Variants in UBE3A observed in about 807,000 individuals in gnomAD.
UBE3A encodes ubiquitin-protein ligase E3A.
Under a neutral mutation model 83.4 loss-of-function variants are expected in UBE3A, and 6 were observed. The ratio of observed to expected loss-of-function variants is 0.07; its 90% CI spans 0.04 to 0.14. UBE3A has a LOEUF of 0.14. Among genes scored for constraint, UBE3A ranks in the 10% least tolerant of loss-of-function variants. UBE3A has a pLI of 1.00. For synonymous variants in UBE3A, 337 were observed against 355.4 expected (o/e 0.95, Z 0.58); for missense variants, 456 against 1,036.1 (o/e 0.44, Z 7.69).
chr15:25,400,513 T>C (rs1034496023), intron 4 of UBE3A, among the ~76,000 whole-genome samples: 28 of 152,386 alleles, frequency 1.8e-4, no homozygotes, highest in African/African-American at 6.7e-4. Flanking sequence ...GTTGGTTCAA[T>C]TTGCAAATGC....
Position 25,432,233 on chromosome 15 carries a change from T to C in UBE3A, c.-165+6256A>G, listed in dbSNP as rs532790349. On this transcript the variant is annotated intron_variant, in intron 1 of 12. Coordinates refer to ENST00000648336, the MANE Select transcript of UBE3A (RefSeq NM_130839.5). ...GTGACATATGTCCATAGTGAATACATGGTGCTTTATTGTTTTCAGTATTTC... is the reference window on the plus strand; with the variant it reads ...GTGACATATGTCCATAGTGAATACACGGTGCTTTATTGTTTTCAGTATTTC... 3.9e-5 allele frequency among the ~76,000 whole-genome samples: 6 copies of C among 152,212 alleles called. No homozygotes were observed. The South Asian group carries it at 6.2e-4, about 16-fold the overall frequency.
intron 2 of UBE3A, among the ~76,000 whole-genome samples, chr15:25,410,585 G>C (rs1231064547): frequency 6.6e-6 from 1 of 152,156 alleles, no homozygotes; most frequent in Non-Finnish European, 1.5e-5. Context: ...TGTGGATTCA[G>C]AACCCAATAT....
intron 3 of UBE3A, among the ~76,000 whole-genome samples, chr15:25,406,811 C>A (rs1157614339): frequency 6.7e-6 from 1 of 150,156 alleles, no homozygotes; most frequent in Non-Finnish European, 1.5e-5. Context: ...CTCAAAATTA[C>A]CCTCACTGCA....
intron 11 of UBE3A, chr15:25,354,152 T>G (rs1029507806): frequency 1.6e-6 from 1 of 620,518 alleles, no homozygotes; most frequent in African/African-American, 1.8e-5. Context: ...GACTTATATA[T>G]AACAACACTT....
chr15:25,363,690 A>G (rs1416814356), intron 6 of UBE3A, among the ~76,000 whole-genome samples: 1 of 152,034 alleles, frequency 6.6e-6, no homozygotes, highest in Non-Finnish European at 1.5e-5. Flanking sequence ...ATTATGAGTG[A>G]TTTTTATTTT....
intron 4 of UBE3A, among the ~76,000 whole-genome samples, chr15:25,398,105 G>C (rs755610042): frequency 7.1e-6 from 1 of 140,584 alleles, no homozygotes; most frequent in African/African-American, 2.7e-5. Context: ...GGAAGCAGAG[G>C]ATGCAGTGGC....
chr15:25,427,898 A>G (rs1023333855), intron 1 of UBE3A, among the ~76,000 whole-genome samples: 3 of 152,064 alleles, frequency 2.0e-5, no homozygotes, highest in African/African-American at 7.2e-5. Flanking sequence ...AATACTACTC[A>G]GCTATAAAAA....
At position 25,335,068 on chromosome 15, in the gene UBE3A, G is replaced by C. The variant is rs879312345; in HGVS notation, c.*4069C>G. 6.6e-6 allele frequency: 1 copy of C among 151,832 alleles called. No individual in the cohort carries two copies. The highest frequency in any genetic ancestry group is 1.5e-5 in the Non-Finnish European group (1 of 68,002). 9.4% of individuals were successfully genotyped at this position (151,832 alleles called of 1,614,324 possible). On this transcript the variant is annotated 3_prime_UTR_variant, in exon 13 of 13. Transcript: ENST00000648336. ...GGCAAAGGTTATTAGAAGAAAAAAA[G>C]ATGTAAGAAAATTCCTTAACTGAAA...
At chr15:25,406,017 ATCATCTATGGCTGCTTT>A (rs1210264872) in intron 3 of UBE3A, among the ~76,000 whole-genome samples, 1 of 152,216 alleles carries the variant, frequency 6.6e-6, no homozygotes, top group East Asian at 1.9e-4. Context: ...TCATTTAGGT[ATCATCTATGGCTGCTTT>A]CACACTAAAA....
intron 1 of UBE3A, chr15:25,417,980 G>A (rs963571516): frequency 5.3e-5 from 8 of 151,774 alleles, no homozygotes; most frequent in Non-Finnish European, 1.5e-5. Context: ...ATCATAGAAC[G>A]TACTTACACA....
intron 1 of UBE3A, among the ~76,000 whole-genome samples, chr15:25,417,269 A>G (rs1450446474): frequency 6.6e-6 from 1 of 152,144 alleles, no homozygotes; most frequent in Non-Finnish European, 1.5e-5. Flanking sequence ...ATTAAAGCAA[A>G]GCCTTCTCTA....
At position 25,379,868 on chromosome 15, in the gene UBE3A, A is replaced by G. The variant is rs1478121984; in HGVS notation, c.63-4105T>C. On this transcript the variant is annotated intron_variant, in intron 4 of 12. Coordinates refer to ENST00000648336, the MANE Select transcript of UBE3A (RefSeq NM_130839.5). ...AATAATAGTTTGTAACGTGAAAATTATAAGAAATTCAAGTTCCAGTATCCA... is the reference window on the plus strand; with the variant it reads ...AATAATAGTTTGTAACGTGAAAATTGTAAGAAATTCAAGTTCCAGTATCCA... 4.6e-5 allele frequency among the ~76,000 whole-genome samples: 7 copies of G among 152,324 alleles called. No individual in the cohort carries two copies. The South Asian group carries it at 6.2e-4, about 14-fold the overall frequency.
intron 1 of UBE3A, among the ~76,000 whole-genome samples, chr15:25,429,169 G>A (rs1892299117): frequency 6.6e-6 from 1 of 152,136 alleles, no homozygotes; most frequent in African/African-American, 2.4e-5. Context: ...ATCACTTACA[G>A]ATACATGTAC....
At chr15:25,395,154 C>A (rs2085269480) in intron 4 of UBE3A, among the ~76,000 whole-genome samples, 1 of 152,076 alleles carries the variant, frequency 6.6e-6, no homozygotes, top group African/African-American at 2.4e-5. Flanking sequence ...GACAAAGATA[C>A]AGCCATTTTA....
At chr15:25,353,262 GAAGA>G (rs1247529579) in intron 11 of UBE3A, among the ~76,000 whole-genome samples, 4 of 152,132 alleles carry the variant, frequency 2.6e-5, no homozygotes, top group South Asian at 4.1e-4. Context: ...GCACCAGAAA[GAAGA>G]AATACTGGTG....
chr15:25,364,852 T>A (rs570944856), intron 6 of UBE3A, among the ~76,000 whole-genome samples: 2 of 152,068 alleles, frequency 1.3e-5, no homozygotes, highest in East Asian at 3.9e-4. Flanking sequence ...TTCACTGTGT[T>A]AGCCAGGATG....
At chr15:25,365,910 G>GT (rs1174097608) in intron 6 of UBE3A, among the ~76,000 whole-genome samples, 1 of 152,096 alleles carries the variant, frequency 6.6e-6, no homozygotes, top group African/African-American at 2.4e-5. Flanking sequence ...CTCAAATGTA[G>GT]TTTAAATGTT....
intron 6 of UBE3A, among the ~76,000 whole-genome samples, chr15:25,368,881 T>C (rs546585262): frequency 8.7e-4 from 133 of 152,202 alleles, no homozygotes; most frequent in African/African-American, 3.1e-3. Context: ...GAAAGACAGA[T>C]AAGGAAGGTA....
chr15:25,384,153 T>C (rs923049212), intron 4 of UBE3A, among the ~76,000 whole-genome samples: 1 of 152,036 alleles, frequency 6.6e-6, no homozygotes, highest in African/African-American at 2.4e-5. Flanking sequence ...ATGAAAGACA[T>C]GTACATTGAA....
Sources: gnomAD v4.1 joint callset for allele counts (sites outside exome capture counted in the v4.1 genomes callset) on GRCh38, gnomAD v4.1.1 for gene constraint, MANE v1.5 for transcripts, NCBI Gene and HGNC (gene_info 2026-07-23, HGNC 2026-07-21) for gene names.